CYTH1: variants seen among roughly 807,000 people sequenced by gnomAD.
CYTH1 encodes cytohesin-1.
CYTH1 carries 18 observed loss-of-function variants against 61.8 expected under a neutral mutation model. The observed-to-expected ratio is 0.29, with a 90% confidence interval of 0.20 to 0.43. The LOEUF is 0.43. Among genes scored for constraint, CYTH1 ranks in the 20% least tolerant of loss-of-function variants. The probability of loss-of-function intolerance (pLI) is 1.00; values close to 1 mark genes in which losing one functional copy is unlikely to be tolerated. For missense variants in CYTH1, 336 were observed against 510.5 expected (o/e 0.66, Z 3.29); for synonymous variants, 174 against 184.3 (o/e 0.94, Z 0.45).
intron 9 of CYTH1, 81 bp downstream of exon 9, chr17:78,698,168 AACACGCACACGCGCACACAC>A (rs1172231517): frequency 1.0e-6 from 1 of 983,544 alleles, no homozygotes; most frequent in Admixed American, 2.1e-5. Context: ...CACACGCACA[AACACGCACACGCGCACACAC>A]GCACGCACGC....
chr17:78,763,169 C>A (rs1346858325), intron 1 of CYTH1, among the ~76,000 whole-genome samples: 1 of 152,024 alleles, frequency 6.6e-6, no homozygotes, highest in African/African-American at 2.4e-5. Context: ...CGTGGTAAAA[C>A]CCTGTCTCTA....
rs34583082 is a variant in CYTH1, at chr17:78,770,325, CA to C, written c.22+11876del. Among the ~76,000 whole-genome samples the C allele has an allele frequency of 9.4e-3, 411 of 43,780 alleles. 2 individuals carry two copies. The highest frequency in any genetic ancestry group is 0.023 in the African/African-American group (313 of 13,640). 28.7% of individuals were successfully genotyped at this position (43,780 alleles called of 152,430 possible). The stretch of plus-strand genomic sequence containing the variant: ...GCAACAAGAGCAAAATTCCCATCTC[CA>C]AAAAAAAAAAAAAGAAAAGAAAAGA... On this transcript the variant is annotated intron_variant, in intron 1 of 13. Coordinates refer to ENST00000446868, the MANE Select transcript of CYTH1 (RefSeq NM_004762.6).
chr17:78,736,682 T>A (rs1481228364), intron 1 of CYTH1: 1 of 406,592 alleles, frequency 2.5e-6, no homozygotes, highest in Non-Finnish European at 5.2e-6. Context: ...GGGCTGCGGC[T>A]TTGACTCACC....
intron 2 of CYTH1, 130 bp downstream of exon 2, chr17:78,709,520 T>C: frequency 2.4e-6 from 2 of 821,868 alleles, no homozygotes; most frequent in South Asian, 3.3e-5. Flanking sequence ...CACCTACGCT[T>C]TGTGCAGAGC....
At chr17:78,677,090 C>T (rs1247274578) in intron 13 of CYTH1, 6 of 455,976 alleles carry the variant, frequency 1.3e-5, no homozygotes, top group Non-Finnish European at 2.2e-5. Flanking sequence ...AAAATGCTTC[C>T]GCAGCTCCCC....
intron 12 of CYTH1, 101 bp downstream of exon 12, chr17:78,680,869 CT>C: frequency 2.7e-6 from 3 of 1,119,422 alleles, no homozygotes; most frequent in Non-Finnish European, 2.7e-6. Flanking sequence ...AAATAAAAGC[CT>C]GATCACGCTT....
chr17:78,683,564 G>A (rs2092785457), intron 11 of CYTH1, among the ~76,000 whole-genome samples: 1 of 152,228 alleles, frequency 6.6e-6, no homozygotes. Flanking sequence ...AGAGCTGAGT[G>A]AGGAGAAGCT....
At chr17:78,777,375 G>A (rs955680415) in intron 1 of CYTH1, among the ~76,000 whole-genome samples, 4 of 149,374 alleles carry the variant, frequency 2.7e-5, no homozygotes, top group East Asian at 2.0e-4. Flanking sequence ...CCGAGATTGC[G>A]CCACTGCACT....
chr17:78,755,063 C>T (rs1328221566), intron 1 of CYTH1, among the ~76,000 whole-genome samples: 1 of 152,124 alleles, frequency 6.6e-6, no homozygotes, highest in Non-Finnish European at 1.5e-5. Flanking sequence ...CTCATATGTT[C>T]ATCAACAGGT....
chr17:78,764,699 A>G (rs2093441456), intron 1 of CYTH1, among the ~76,000 whole-genome samples: 1 of 152,120 alleles, frequency 6.6e-6, no homozygotes. Context: ...GAGCAATTTC[A>G]GTGACCTTTG....
intron 1 of CYTH1, among the ~76,000 whole-genome samples, chr17:78,732,837 C>T (rs1160116842): frequency 6.6e-6 from 1 of 151,960 alleles, no homozygotes; most frequent in Non-Finnish European, 1.5e-5. Context: ...GCCTGTAATC[C>T]CAGCACTGTG....
intron 1 of CYTH1, among the ~76,000 whole-genome samples, chr17:78,716,404 G>GTCCT (rs1441190839): frequency 5.3e-5 from 8 of 152,260 alleles, no homozygotes; most frequent in African/African-American, 1.9e-4. Flanking sequence ...GCCCTTCTGT[G>GTCCT]TCCTTGGAGT....
intron 1 of CYTH1, among the ~76,000 whole-genome samples, chr17:78,710,257 T>C (rs1778261879): frequency 6.6e-6 from 1 of 152,056 alleles, no homozygotes; most frequent in African/African-American, 2.4e-5. Context: ...CACTGAGAAA[T>C]AAAAAAAGTC....
At chr17:78,701,921 G>A (rs1438994276) in intron 5 of CYTH1, among the ~76,000 whole-genome samples, 170 bp from the exon 6 acceptor site, 1 of 152,162 alleles carries the variant, frequency 6.6e-6, no homozygotes, top group Non-Finnish European at 1.5e-5. Flanking sequence ...CTGCTGACTG[G>A]CTGAACAAGC....
chr17:78,701,604 G>T, intron 6 of CYTH1, 67 bp downstream of exon 6: 1 of 1,440,472 alleles, frequency 6.9e-7, no homozygotes, highest in Non-Finnish European at 9.8e-7. Context: ...ATGCCCCCCA[G>T]GACAGACTCA....
chr17:78,706,631 C>T (rs945412976), intron 3 of CYTH1, among the ~76,000 whole-genome samples: 6 of 152,190 alleles, frequency 3.9e-5, no homozygotes, highest in African/African-American at 1.2e-4. Flanking sequence ...TTTCATTTCT[C>T]TTAAGTAACT....
chr17:78,676,032 G>A lies in CYTH1; in HGVS notation c.*59C>T. The A allele has an allele frequency of 1.3e-6, 2 of 1,563,832 alleles. No individual in the cohort carries two copies. The highest frequency in any genetic ancestry group is 3.9e-5 in the Admixed American group (2 of 51,756). Reference sequence around the variant, plus strand: ...GCTCGGCAGCAGTGCATCCATGGAGGTGCGGGAGAAGAGCAGGAGCTCCAA... The same window carrying A: ...GCTCGGCAGCAGTGCATCCATGGAGATGCGGGAGAAGAGCAGGAGCTCCAA... On this transcript the variant is annotated 3_prime_UTR_variant, in exon 14 of 14. Transcript: ENST00000446868.
intron 3 of CYTH1, among the ~76,000 whole-genome samples, chr17:78,705,541 T>C (rs917301685): frequency 1.3e-5 from 2 of 152,150 alleles, no homozygotes; most frequent in Non-Finnish European, 2.9e-5. Flanking sequence ...CTTGATTAAA[T>C]AGTATTTAGG....
At chr17:78,750,986 GTGTTT>G (rs1180666310) in intron 1 of CYTH1, among the ~76,000 whole-genome samples, 3 of 151,918 alleles carry the variant, frequency 2.0e-5, no homozygotes, top group Non-Finnish European at 4.4e-5. Flanking sequence ...ATATATTGTT[GTGTTT>G]TGTTTTGTTT....
Sources: allele counts gnomAD v4.1 joint callset (sites outside exome capture counted in the v4.1 genomes callset), GRCh38; gene constraint gnomAD v4.1.1; transcripts MANE v1.5; gene names NCBI Gene and HGNC (gene_info 2026-07-23, HGNC 2026-07-21).